MAST4: variants seen among roughly 807,000 people sequenced by gnomAD.
The protein encoded by MAST4 is microtubule associated serine/threonine kinase family member 4.
In MAST4, 89 loss-of-function variants were observed where a neutral mutation model predicts 162.7. The ratio of observed to expected loss-of-function variants is 0.55; its 90% CI spans 0.46 to 0.65. The LOEUF is 0.65. MAST4 is among the 30% of genes least tolerant of loss of function. MAST4 has a pLI of 0.00. For missense variants in MAST4, 3,153 were observed against 3,374.0 expected (o/e 0.93, Z 1.62); for synonymous variants, 1,479 against 1,361.1 (o/e 1.09, Z -1.91).
chr5:67,033,198 ACT>A (rs1755566697), intron 4 of MAST4, among the ~76,000 whole-genome samples: 1 of 151,346 alleles, frequency 6.6e-6, no homozygotes, highest in Non-Finnish European at 1.5e-5. Context: ...AAAGAAAAAC[ACT>A]CTTGCTGACT....
intron 3 of MAST4, among the ~76,000 whole-genome samples, chr5:66,805,200 G>A (rs1158574970): frequency 6.6e-6 from 1 of 152,172 alleles, no homozygotes; most frequent in Non-Finnish European, 1.5e-5. Flanking sequence ...TTTTTCCAGA[G>A]ATAGCCAGTT....
chr5:66,847,086 T>C (rs969171446), intron 3 of MAST4, among the ~76,000 whole-genome samples: 2 of 152,226 alleles, frequency 1.3e-5, no homozygotes, highest in Admixed American at 6.5e-5. Context: ...AGAGCTATAT[T>C]GAGTGTTTAA....
intron 26 of MAST4, among the ~76,000 whole-genome samples, chr5:67,156,471 C>T (rs1221019780): frequency 6.6e-6 from 1 of 152,170 alleles, no homozygotes. Flanking sequence ...AAGTAACAGA[C>T]TATAAACACG....
chr5:67,118,731 A>G lies in MAST4; in HGVS notation c.1641A>G (p.Glu547=), dbSNP rs1767228533. The G allele has an allele frequency of 6.4e-7, 1 of 1,573,544 alleles. No individual in the cohort carries two copies. Among genetic ancestry groups the G allele is most frequent in the Non-Finnish European group, 8.7e-7 (1 of 1,154,662 alleles). Residue 547 remains glutamate (E), a synonymous_variant, in exon 13 of 29, where the codon GAA becomes GAG. Transcript: ENST00000403625. ...NYDSGTAETP[E]TDESVSSSNA... ...ATAGTGGGACAGCAGAAACACCAGA[A>G]ACAGATGAATCAGTGAGTGTAAGTA...
chr5:66,601,274 T>G (rs1185586601), intron 1 of MAST4, among the ~76,000 whole-genome samples: 1 of 152,216 alleles, frequency 6.6e-6, no homozygotes, highest in Non-Finnish European at 1.5e-5. Context: ...AGTCTACTTT[T>G]GGACTCTACC....
intron 26 of MAST4, among the ~76,000 whole-genome samples, chr5:67,154,234 T>C (rs1328788837): frequency 1.3e-5 from 2 of 152,220 alleles, no homozygotes; most frequent in Non-Finnish European, 2.9e-5. Context: ...TCCTCTCAGA[T>C]AGCTCTCAGA....
At chr5:66,616,213 T>G (rs1743671595) in intron 1 of MAST4, among the ~76,000 whole-genome samples, 1 of 152,140 alleles carries the variant, frequency 6.6e-6, no homozygotes, top group African/African-American at 2.4e-5. Context: ...TCCGTCACTT[T>G]ATTACGTGGA....
intron 1 of MAST4, among the ~76,000 whole-genome samples, chr5:66,664,041 A>G (rs977657950): frequency 2.6e-5 from 4 of 152,140 alleles, no homozygotes; most frequent in African/African-American, 9.7e-5. Flanking sequence ...CTGGATGTGT[A>G]GGGTGTAAGA....
At chr5:66,678,548 G>T (rs892025288) in intron 1 of MAST4, among the ~76,000 whole-genome samples, 5 of 151,252 alleles carry the variant, frequency 3.3e-5, no homozygotes, top group African/African-American at 1.2e-4. Flanking sequence ...AGGCTGGAGT[G>T]CAGTGACACG....
At chr5:66,646,549 T>C (rs970976586) in intron 1 of MAST4, among the ~76,000 whole-genome samples, 1 of 152,174 alleles carries the variant, frequency 6.6e-6, no homozygotes, top group South Asian at 2.1e-4. Context: ...CTAATATAAT[T>C]TTTCCAGGAA....
chr5:66,788,742 G>A lies in MAST4; in HGVS notation c.590G>A (p.Arg197His), dbSNP rs1473309761. ...TCTGCAGAGACGTCCAACCTCGTGC[G>A]CATGCGCAGCCAGGCCCTGGGCCAG... The part of the protein sequence containing the change: ...PASAETSNLV[R>H]MRSQALGQSA... Residue 197 changes from arginine (R) to histidine (H), a missense_variant, in exon 3 of 29, where the codon CGC becomes CAC. Transcript: ENST00000403625. 3.1e-6 allele frequency: 5 copies of A among 1,612,322 alleles called. No individual in the cohort carries two copies. In the East Asian group the frequency reaches 1.1e-4, roughly 36 times the overall value.
chr5:67,166,010 T>C lies in MAST4; in HGVS notation c.6831T>C (p.Thr2277=), dbSNP rs1773894990. The C allele has an allele frequency of 6.2e-7, 1 of 1,613,534 alleles. No individual in the cohort carries two copies. The highest frequency in any genetic ancestry group is 1.3e-5 in the African/African-American group (1 of 74,932). ...GEGGPSVPLH[T]DRAPLDAKPQ... is the part of the protein sequence containing the mutation. ...GTGGGCCCTCTGTCCCACTGCACACTGACAGGGCTCCTCTAGACGCCAAGC... is the reference window on the plus strand; with the variant it reads ...GTGGGCCCTCTGTCCCACTGCACACCGACAGGGCTCCTCTAGACGCCAAGC... The change falls in exon 29 of 29, where the codon ACT becomes ACC. Residue 2277 remains threonine (T), a synonymous_variant. Coordinates refer to ENST00000403625, the MANE Select transcript of MAST4 (RefSeq NM_001164664.2).
At position 67,144,809 on chromosome 5, in the gene MAST4, C is replaced by A. The variant is rs751116040; in HGVS notation, c.2858+13C>A. On this transcript the variant is annotated intron_variant, in intron 22 of 28. Coordinates refer to ENST00000403625, the MANE Select transcript of MAST4 (RefSeq NM_001164664.2). ...AATATTCTGAAATGTATGTGAAATGCCTCTTAAGTAATATAAGCAGTAGCT... is the reference window on the plus strand; with the variant it reads ...AATATTCTGAAATGTATGTGAAATGACTCTTAAGTAATATAAGCAGTAGCT... 4 of 1,587,032 alleles carry A rather than the reference C, an allele frequency of 2.5e-6. No individual in the cohort carries two copies. The East Asian group carries it at 9.1e-5, about 36-fold the overall frequency.
intron 4 of MAST4, among the ~76,000 whole-genome samples, chr5:66,907,870 G>A (rs1390573627): frequency 6.6e-6 from 1 of 152,020 alleles, no homozygotes; most frequent in Non-Finnish European, 1.5e-5. Flanking sequence ...AATAAAGGAT[G>A]TGTAAACCAT....
At chr5:67,062,330 G>A (rs988067430) in intron 5 of MAST4, among the ~76,000 whole-genome samples, 19 of 152,110 alleles carry the variant, frequency 1.2e-4, no homozygotes, top group Middle Eastern at 3.4e-3. Flanking sequence ...CCCAGGAGGC[G>A]GAGGCTGCAG....
At position 67,166,964 on chromosome 5, in the gene MAST4, C is replaced by A. The variant is rs1375905391; in HGVS notation, c.7785C>A (p.Ile2595=). The stretch of plus-strand genomic sequence containing the variant: ...CAGCCCCAAACACTGACCGCCCCAT[C>A]TCTCTTTCTAATGAGAAGGACTTTG... ...PSPAPNTDRP[I]SLSNEKDFVV... Residue 2595 remains isoleucine, a synonymous_variant, in exon 29 of 29, where the codon ATC becomes ATA. Transcript: ENST00000403625. 6.2e-6 allele frequency: 10 copies of A among 1,612,562 alleles called. No homozygotes were observed. The highest frequency in any genetic ancestry group is 2.2e-5 in the East Asian group (1 of 44,888).
Position 67,080,464 on chromosome 5 carries a change from C to T in MAST4, c.764-9698C>T, listed in dbSNP as rs114102203. Among the ~76,000 whole-genome samples the T allele has an allele frequency of 7.5e-3, 1,143 of 152,202 alleles. 17 individuals are homozygous for T. Among genetic ancestry groups the T allele is most frequent in the African/African-American group, 0.026 (1,092 of 41,514 alleles). On this transcript the variant is annotated intron_variant, in intron 5 of 28. Coordinates refer to ENST00000403625, the MANE Select transcript of MAST4 (RefSeq NM_001164664.2). Reference sequence around the variant, plus strand: ...CTCTGAAGGTTGACATTTGTGCATACAGAATCTCAAGAGTTGTGTGTGGCT... The same window carrying T: ...CTCTGAAGGTTGACATTTGTGCATATAGAATCTCAAGAGTTGTGTGTGGCT...
intron 4 of MAST4, among the ~76,000 whole-genome samples, chr5:67,041,766 T>C (rs1203097839): frequency 1.3e-5 from 2 of 152,162 alleles, no homozygotes; most frequent in African/African-American, 4.8e-5. Flanking sequence ...GTAGCTGGAA[T>C]TACAGGCCTG....
chr5:66,857,368 C>A (rs1229813105), intron 3 of MAST4, among the ~76,000 whole-genome samples: 2 of 152,186 alleles, frequency 1.3e-5, no homozygotes, highest in East Asian at 3.9e-4. Context: ...CAGTGGACAT[C>A]CATGTGTGGA....
Sources: gnomAD v4.1 joint callset for allele counts (sites outside exome capture counted in the v4.1 genomes callset) on GRCh38, gnomAD v4.1.1 for gene constraint, MANE v1.5 for transcripts, NCBI Gene and HGNC (gene_info 2026-07-23, HGNC 2026-07-21) for gene names.